The following TNR variants were observed in gnomAD, a reference collection of about 807,000 sequenced individuals.
TNR encodes tenascin R.
A neutral mutation model predicts 150.4 loss-of-function variants in TNR; 45 were observed. That is an observed-to-expected ratio of 0.30 (90% CI 0.24 to 0.38). TNR has a LOEUF of 0.38. Among genes scored for constraint, TNR ranks in the 10% least tolerant of loss-of-function variants. The pLI is 1.00. For synonymous variants in TNR, 687 were observed against 678.4 expected, an observed-to-expected ratio of 1.01 and a Z score of -0.20; for missense variants, 1,544 against 1,759.1, an observed-to-expected ratio of 0.88 and a Z score of 2.19.
At chr1:175,520,885 G>C (rs1659611626) in intron 2 of TNR, among the ~76,000 whole-genome samples, 1 of 151,862 alleles carries the variant, frequency 6.6e-6, no homozygotes, top group South Asian at 2.1e-4. Flanking sequence ...TCCTTCTGTG[G>C]TCCTTAGACA....
chr1:175,512,328 A>T (rs6661699), intron 2 of TNR, among the ~76,000 whole-genome samples: 1,806 of 152,330 alleles, frequency 0.012, 29 homozygotes, highest in African/African-American at 0.041. Context: ...TGTAAATTAG[A>T]AATATTTTAA....
At chr1:175,364,343 C>A (rs1159032868) in intron 12 of TNR, among the ~76,000 whole-genome samples, 1 of 132,950 alleles carries the variant, frequency 7.5e-6, no homozygotes, top group Admixed American at 7.7e-5. Flanking sequence ...TTTTTTTTTA[C>A]TGCTAGGGGA....
rs1267554913 is a variant in TNR at position 175,315,325 on chromosome 1, A to G, written c.*8032T>C. 2.6e-5 allele frequency: 4 copies of G among 152,258 alleles called. No homozygotes were observed. The highest frequency in any genetic ancestry group is 6.5e-5 in the Admixed American group (1 of 15,278). The allele number at this position is 152,258 out of a possible 1,614,324, so 9.4% of individuals were successfully genotyped here. On this transcript the variant is annotated 3_prime_UTR_variant, in exon 23 of 23. Coordinates refer to ENST00000367674, the MANE Select transcript of TNR (RefSeq NM_003285.3). ...AAGCAGAGATTCCAGTCTTTGAGCT[A>G]CAGTGCCATGAAAGGATCAGAGAAG... is the stretch of plus-strand genomic sequence containing the variant.
intron 8 of TNR, 101 bp from the exon 9 acceptor site, chr1:175,379,838 C>T (rs1652591440): frequency 1.7e-5 from 22 of 1,315,832 alleles, no homozygotes; most frequent in Non-Finnish European, 2.3e-5. Flanking sequence ...AGCCCACACC[C>T]CCTGACCCTC....
chr1:175,639,804 G>A (rs774060119), intron 1 of TNR, among the ~76,000 whole-genome samples: 16 of 152,026 alleles, frequency 1.1e-4, no homozygotes, highest in Non-Finnish European at 2.2e-4. Context: ...TTCCTTCAGC[G>A]TGGAATGCTC....
At chr1:175,561,262 A>C (rs576526166) in intron 1 of TNR, among the ~76,000 whole-genome samples, 1 of 152,284 alleles carries the variant, frequency 6.6e-6, no homozygotes, top group African/African-American at 2.4e-5. Context: ...GGCTTGCCTC[A>C]CTGTTATTTC....
intron 20 of TNR, among the ~76,000 whole-genome samples, chr1:175,333,016 A>T (rs1223723082): frequency 6.6e-6 from 1 of 152,206 alleles, no homozygotes; most frequent in Non-Finnish European, 1.5e-5. Context: ...TCACAGTCTC[A>T]GTTTTGTTCT....
At chr1:175,401,028 A>C (rs1276044316) in intron 4 of TNR, among the ~76,000 whole-genome samples, 1 of 152,180 alleles carries the variant, frequency 6.6e-6, no homozygotes, top group African/African-American at 2.4e-5. Context: ...GGGAACCTGT[A>C]AAGTAATTTA....
At chr1:175,602,678 C>T (rs1233326391) in intron 1 of TNR, among the ~76,000 whole-genome samples, 1 of 152,236 alleles carries the variant, frequency 6.6e-6, no homozygotes, top group Non-Finnish European at 1.5e-5. Flanking sequence ...CAGATTCCCA[C>T]ATCTCTCAAT....
chr1:175,596,993 A>G (rs1053108182), intron 1 of TNR, among the ~76,000 whole-genome samples: 19 of 152,224 alleles, frequency 1.2e-4, no homozygotes, highest in African/African-American at 4.3e-4. Flanking sequence ...ATCAGCTCTC[A>G]GAAATAGAAG....
intron 2 of TNR, among the ~76,000 whole-genome samples, chr1:175,491,348 A>G (rs73044481): frequency 6.6e-6 from 1 of 152,194 alleles, no homozygotes; most frequent in Non-Finnish European, 1.5e-5. Flanking sequence ...AAACTTGTGC[A>G]CCTAACACAT....
chr1:175,344,136 G>A (rs1260848677), intron 18 of TNR, among the ~76,000 whole-genome samples: 3 of 152,122 alleles, frequency 2.0e-5, no homozygotes, highest in Non-Finnish European at 2.9e-5. Context: ...GATCTCTATC[G>A]GCTACCCCTT....
chr1:175,541,630 GA>G (rs562972314), intron 1 of TNR, among the ~76,000 whole-genome samples: 372 of 150,730 alleles, frequency 2.5e-3, no homozygotes, highest in Non-Finnish European at 4.0e-3. Context: ...ATCTGGGGCT[GA>G]AAAAAAAAGA....
chr1:175,575,851 C>T (rs908354043), intron 1 of TNR, among the ~76,000 whole-genome samples: 3 of 152,124 alleles, frequency 2.0e-5, no homozygotes, highest in African/African-American at 7.2e-5. Flanking sequence ...GACTGCACTG[C>T]TAAGTTGAAC....
chr1:175,626,114 T>C (rs2101869054), intron 1 of TNR, among the ~76,000 whole-genome samples: 1 of 152,310 alleles, frequency 6.6e-6, no homozygotes, highest in Admixed American at 6.5e-5. Context: ...ATGTAAGAAG[T>C]GCCTTTCACC....
In TNR at chr1:175,556,258, C is replaced by T. The variant is rs993970524; in HGVS notation, c.-164-27889G>A. Among the ~76,000 whole-genome samples the T allele has an allele frequency of 5.3e-5, 8 of 152,318 alleles. No homozygotes were observed. In the South Asian group the frequency reaches 1.5e-3, roughly 28 times the overall value. ...CATCAGAAGGCTAACAATCTAAACA[C>T]CAAGCTCAACACACCCACATCAGTT... On this transcript the variant is annotated intron_variant, in intron 1 of 22. Coordinates refer to ENST00000367674, the MANE Select transcript of TNR (RefSeq NM_003285.3).
intron 2 of TNR, among the ~76,000 whole-genome samples, chr1:175,416,707 G>A (rs1654471248): frequency 6.6e-6 from 1 of 152,126 alleles, no homozygotes; most frequent in South Asian, 2.1e-4. Flanking sequence ...TTGAGAAATT[G>A]GTTTGAAATA....
intron 1 of TNR, among the ~76,000 whole-genome samples, chr1:175,708,673 G>A (rs560352991): frequency 1.3e-5 from 2 of 152,278 alleles, no homozygotes; most frequent in African/African-American, 2.4e-5. Flanking sequence ...TGGCCACTGC[G>A]ATGCTGACAG....
At chr1:175,491,621 G>T (rs1159920779) in intron 2 of TNR, among the ~76,000 whole-genome samples, 2 of 139,892 alleles carry the variant, frequency 1.4e-5, no homozygotes, top group African/African-American at 2.6e-5. Flanking sequence ...GTGTAATTAT[G>T]TCTAAATTTC....
Sources: gnomAD v4.1 joint callset for allele counts (sites outside exome capture counted in the v4.1 genomes callset) on GRCh38, gnomAD v4.1.1 for gene constraint, MANE v1.5 for transcripts, NCBI Gene and HGNC (gene_info 2026-07-23, HGNC 2026-07-21) for gene names.